SULT2B1: variants seen among roughly 807,000 people sequenced by gnomAD.
SULT2B1 encodes the protein sulfotransferase 2B1.
SULT2B1 carries 16 observed loss-of-function variants against 33.2 expected under a neutral mutation model. The ratio of observed to expected loss-of-function variants is 0.48; its 90% confidence interval spans 0.33 to 0.73. The LOEUF is 0.73. SULT2B1 is among the 30% of genes least tolerant of loss of function. SULT2B1 has a pLI of 0.02. For synonymous variants in SULT2B1, 186 were observed against 200.5 expected (o/e 0.93, Z 0.61); for missense variants, 500 against 506.0 (o/e 0.99, Z 0.11).
At chr19:48,591,778 C>T (rs975483141) in intron 4 of SULT2B1, 43 bp downstream of exon 4, 3 of 1,522,370 alleles carry the variant, frequency 2.0e-6, no homozygotes, top group African/African-American at 2.8e-5. Context: ...GGGGAGGAGC[C>T]CCAGAGGACC....
chr19:48,590,209 G>A (rs1043745961), intron 3 of SULT2B1, among the ~76,000 whole-genome samples: 8 of 151,940 alleles, frequency 5.3e-5, no homozygotes, highest in African/African-American at 1.9e-4. Context: ...GGCTGGTCTC[G>A]AACACCTGAC....
Position 48,591,604 on chromosome 19 carries a change from C to T in SULT2B1, c.424-5C>T. 1 of 1,610,594 alleles carries T rather than the reference C, an allele frequency of 6.2e-7. No individual in the cohort carries two copies. The highest frequency in any genetic ancestry group is 8.5e-7 in the Non-Finnish European group (1 of 1,177,876). On this transcript the variant is annotated splice_region_variant and splice_polypyrimidine_tract_variant and intron_variant, in intron 3 of 6. Transcript: ENST00000201586. ...TTCTCCCCTCTCCTCACCATCCGCA[C>T]ACAGGTGATCTACATGGGCCGCAAC...
At chr19:48,589,176 G>C (rs1973610375) in intron 3 of SULT2B1, among the ~76,000 whole-genome samples, 2 of 152,202 alleles carry the variant, frequency 1.3e-5, no homozygotes, top group South Asian at 4.1e-4. Flanking sequence ...TAGGGTGATG[G>C]TCACGGAGGT....
chr19:48,575,724 A>G (rs1973396320), intron 1 of SULT2B1: 2 of 715,658 alleles, frequency 2.8e-6, no homozygotes, highest in African/African-American at 1.8e-5. Context: ...CAGGTGATCC[A>G]CCCACCTCTG....
rs1209521675 is a variant in SULT2B1, at chr19:48,577,352, C to CTTTTTTTTTTTTTT, written c.214+1286_214+1299dup. Among the ~76,000 whole-genome samples, 6 of 30,648 alleles carry CTTTTTTTTTTTTTT rather than the reference C, an allele frequency of 2.0e-4. 2 individuals carry two copies. Among genetic ancestry groups the CTTTTTTTTTTTTTT allele is most frequent in the Non-Finnish European group, 3.4e-4 (6 of 17,748 alleles). The allele number at this position is 30,648 out of a possible 152,430, so 20.1% of individuals were successfully genotyped here. A position where few individuals can be genotyped will look rare whatever the true frequency, so the allele number is the denominator to read the frequency against. The stretch of plus-strand genomic sequence containing the variant: ...TTACAGGTGTGAGCCACTGAGCCGT[C>CTTTTTTTTTTTTTT]TTTTTTTTTTTTTTTTTTTTTTTTT... On this transcript the variant is annotated intron_variant, in intron 2 of 6. Transcript: ENST00000201586.
Position 48,575,970 on chromosome 19 carries a change from A to G in SULT2B1, c.101A>G (p.Tyr34Cys). 1 of 1,613,822 alleles carries G rather than the reference A, an allele frequency of 6.2e-7. No individual in the cohort carries two copies. The highest frequency in any genetic ancestry group is 8.5e-7 in the Non-Finnish European group (1 of 1,179,840). Reference sequence around the variant, plus strand: ...AAGTTGCCAGGTGAATACTTCCGGTACAAGGGCGTCCCCTTCCCCGTCGGC... The same window carrying G: ...AAGTTGCCAGGTGAATACTTCCGGTGCAAGGGCGTCCCCTTCCCCGTCGGC... ...SQKLPGEYFR[Y>C]KGVPFPVGLY... Residue 34 changes from tyrosine (Y) to cysteine (C), a missense_variant, in exon 2 of 7, where the codon TAC (tyrosine) becomes TGC (cysteine). Physicochemically the swap from Tyr to Cys is radical, Grantham distance 194. Transcript: ENST00000201586.
chr19:48,564,551 C>CAAAAAAAAAAAAAAAAA (rs770217698), intron 1 of SULT2B1, among the ~76,000 whole-genome samples: 2 of 57,636 alleles, frequency 3.5e-5, no homozygotes, highest in Non-Finnish European at 6.1e-5. Context: ...GACTCCGTCT[C>CAAAAAAAAAAAAAAAAA]AAAAAAAAAA....
At chr19:48,579,455 TG>T (rs201114377) in intron 2 of SULT2B1, among the ~76,000 whole-genome samples, 3,112 of 151,714 alleles carry the variant, frequency 0.021, 117 homozygotes, top group African/African-American at 0.072. Context: ...GCTAATTTTT[TG>T]TATTTTTAGT....
chr19:48,577,638 A>C (rs1973431744), intron 2 of SULT2B1, among the ~76,000 whole-genome samples: 1 of 151,978 alleles, frequency 6.6e-6, no homozygotes, highest in African/African-American at 2.4e-5. Flanking sequence ...TGCTGCGATT[A>C]CAGGTGTGAG....
intron 1 of SULT2B1, among the ~76,000 whole-genome samples, chr19:48,572,747 GC>G (rs1169457085): frequency 6.6e-6 from 1 of 152,028 alleles, no homozygotes; most frequent in Non-Finnish European, 1.5e-5. Context: ...TGAGTCGAGG[GC>G]CCACAGGGAG....
intron 5 of SULT2B1, 99 bp downstream of exon 5, chr19:48,592,915 C>T (rs1973662685): frequency 2.9e-6 from 3 of 1,020,364 alleles, no homozygotes; most frequent in Non-Finnish European, 4.4e-6. Context: ...CCTCCGCTTC[C>T]CCATGCAATG....
chr19:48,581,029 CTT>C (rs57093444), intron 2 of SULT2B1, among the ~76,000 whole-genome samples: 1,313 of 64,928 alleles, frequency 0.02, 9 homozygotes, highest in African/African-American at 0.082. Flanking sequence ...ATATATATTC[CTT>C]TTTTTTTTTT....
chr19:48,589,021 C>G (rs551817007), intron 3 of SULT2B1, among the ~76,000 whole-genome samples: 11 of 152,280 alleles, frequency 7.2e-5, no homozygotes, highest in African/African-American at 2.6e-4. Context: ...CGGCAGGGAT[C>G]GCAGCAGAGG....
intron 4 of SULT2B1, 151 bp from the exon 5 acceptor site, chr19:48,592,571 G>A: frequency 3.1e-6 from 2 of 644,930 alleles, no homozygotes; most frequent in Non-Finnish European, 5.4e-6. Flanking sequence ...CCAGAACTTG[G>A]TGGAAATGTG....
At chr19:48,586,164 G>A (rs1973559215) in intron 2 of SULT2B1, among the ~76,000 whole-genome samples, 1 of 152,172 alleles carries the variant, frequency 6.6e-6, no homozygotes. Context: ...CAAGGCTGCA[G>A]TGAGCTGTGA....
At chr19:48,564,893 C>T (rs1251344415) in intron 1 of SULT2B1, among the ~76,000 whole-genome samples, 1 of 151,882 alleles carries the variant, frequency 6.6e-6, no homozygotes. Context: ...CAGGTTCAAG[C>T]GATTCTTCTG....
chr19:48,571,728 A>G (rs1973331998), intron 1 of SULT2B1, among the ~76,000 whole-genome samples: 1 of 151,702 alleles, frequency 6.6e-6, no homozygotes, highest in Non-Finnish European at 1.5e-5. Context: ...TCAATGTCAT[A>G]TGTCAACTGT....
chr19:48,564,324 C>T lies in SULT2B1; in HGVS notation c.72-11617C>T, dbSNP rs1973217378. On this transcript the variant is annotated intron_variant, in intron 1 of 6. Coordinates refer to ENST00000201586, the MANE Select transcript of SULT2B1 (RefSeq NM_177973.2). Reference sequence around the variant, plus strand: ...ACCCCAGCACTTTGGGAGGCCGAGGCGGGCGGATCACGAGGTCCAAAGATC... The same window carrying T: ...ACCCCAGCACTTTGGGAGGCCGAGGTGGGCGGATCACGAGGTCCAAAGATC... Among the ~76,000 whole-genome samples, 5 of 151,208 alleles carry T rather than the reference C, an allele frequency of 3.3e-5. No individual in the cohort carries two copies. In the South Asian group the frequency reaches 6.3e-4, roughly 19 times the overall value.
At chr19:48,585,047 T>G (rs1465048491) in intron 2 of SULT2B1, among the ~76,000 whole-genome samples, 1 of 22,880 alleles carries the variant, frequency 4.4e-5, no homozygotes, top group Non-Finnish European at 7.0e-5. Flanking sequence ...AGACTCCTTC[T>G]CAAAAAAAAA....
Sources: allele counts gnomAD v4.1 joint callset (sites outside exome capture counted in the v4.1 genomes callset), GRCh38; gene constraint gnomAD v4.1.1; transcripts MANE v1.5; gene names NCBI Gene and HGNC (gene_info 2026-07-23, HGNC 2026-07-21).